POLQ: variants seen among roughly 807,000 people sequenced by gnomAD.
POLQ encodes DNA polymerase theta.
POLQ carries 233 observed loss-of-function variants against 259.2 expected under a neutral mutation model. That is an observed-to-expected ratio of 0.90 (90% CI 0.81 to 1.00). The LOEUF is 1.00. Ranked by LOEUF, POLQ falls within the 50% of genes least tolerant of loss-of-function variation. POLQ has a pLI of 0.00. For missense variants in POLQ, 2,871 were observed against 3,051.6 expected, an observed-to-expected ratio of 0.94 and a Z score of 1.39; for synonymous variants, 1,025 against 1,048.8, an observed-to-expected ratio of 0.98 and a Z score of 0.44.
At chr3:121,469,715 C>T (rs553909323) in intron 22 of POLQ, among the ~76,000 whole-genome samples, 1 of 151,834 alleles carries the variant, frequency 6.6e-6, no homozygotes, top group African/African-American at 2.4e-5. Flanking sequence ...GCAACACTGG[C>T]AGACCAAAAA....
chr3:121,507,851 TA>T (rs1290223548), intron 12 of POLQ, among the ~76,000 whole-genome samples: 1 of 152,140 alleles, frequency 6.6e-6, no homozygotes, highest in Admixed American at 6.6e-5. Context: ...ATCTCACTTA[TA>T]TTTTTTTGCT....
intron 25 of POLQ, among the ~76,000 whole-genome samples, chr3:121,458,421 A>T (rs1255181709): frequency 6.6e-6 from 1 of 151,970 alleles, no homozygotes; most frequent in Non-Finnish European, 1.5e-5. Flanking sequence ...AAATAAATAA[A>T]AGGAAGTCGG....
intron 24 of POLQ, among the ~76,000 whole-genome samples, chr3:121,463,893 T>G (rs2047813886): frequency 6.6e-6 from 1 of 152,156 alleles, no homozygotes; most frequent in African/African-American, 2.4e-5. Flanking sequence ...CAGTTAAAAT[T>G]ATTTTATGTA....
chr3:121,472,430 C>G (rs1375325782), intron 21 of POLQ, among the ~76,000 whole-genome samples: 2 of 152,182 alleles, frequency 1.3e-5, no homozygotes, highest in Middle Eastern at 6.3e-3. Context: ...AACAAAGTAA[C>G]TGCCTCCCCA....
rs183724890 is a variant in POLQ, at chr3:121,454,220, C to T, written c.7153-4794G>A. On this transcript the variant is annotated intron_variant, in intron 25 of 29. Transcript: ENST00000264233. ...CACCACCTGGCCAGCCCTAAAAGAGCTCCTGAAGGAAGCACTAAACATGGA... is the reference window on the plus strand; with the variant it reads ...CACCACCTGGCCAGCCCTAAAAGAGTTCCTGAAGGAAGCACTAAACATGGA... Among the ~76,000 whole-genome samples the T allele has an allele frequency of 9.8e-5, 15 of 152,310 alleles. No individual in the cohort carries two copies. In the East Asian group the frequency reaches 2.9e-3, roughly 29 times the overall value.
chr3:121,464,087 C>G (rs1267343839), intron 24 of POLQ, among the ~76,000 whole-genome samples: 2 of 152,098 alleles, frequency 1.3e-5, no homozygotes, highest in African/African-American at 4.8e-5. Context: ...ATTCAGTAAT[C>G]AAAGACAAAA....
rs555105739 is a variant in POLQ at position 121,514,182 on chromosome 3, GC to G, written c.1469-2154del. On this transcript the variant is annotated intron_variant, in intron 9 of 29. Transcript: ENST00000264233. Reference sequence around the variant, plus strand: ...CATCTCTACTAAAAATACAAAATTAGCCAGGCATGATGGCACATTCCTATAA... The same window carrying G: ...CATCTCTACTAAAAATACAAAATTAGCAGGCATGATGGCACATTCCTATAA... 3.6e-3 allele frequency among the ~76,000 whole-genome samples: 544 copies of G among 149,160 alleles called. 2 individuals carry two copies. Among genetic ancestry groups the G allele is most frequent in the African/African-American group, 0.013 (519 of 40,494 alleles).
rs1374811730 is a variant in POLQ at position 121,489,823 on chromosome 3, G to A, written c.3108C>T (p.Ser1036=). The change falls in exon 16 of 30, where the codon AGC becomes AGT. Residue 1036 remains serine (S), a synonymous_variant. Coordinates refer to ENST00000264233, the MANE Select transcript of POLQ (RefSeq NM_199420.4). ...APLNFNSEKM[S]RSFRSWKRRK... ...TACGTTTCCAAGATCGAAAACTTCT[G>A]CTCATCTTTTCTGAATTGAAATTCA... The A allele has an allele frequency of 2.5e-6, 4 of 1,612,254 alleles. No homozygotes were observed. In the Admixed American group the frequency reaches 6.7e-5, roughly 27 times the overall value.
intron 29 of POLQ, 105 bp from the exon 30 acceptor site, chr3:121,432,522 G>A (rs1394204840): frequency 9.9e-6 from 11 of 1,112,548 alleles, no homozygotes; most frequent in Non-Finnish European, 1.4e-5. Flanking sequence ...TCACCCAATG[G>A]TGCTTAAAAT....
intron 27 of POLQ, 38 bp from the exon 28 acceptor site, chr3:121,436,313 C>T (rs1274620120): frequency 6.2e-7 from 1 of 1,604,920 alleles, no homozygotes; most frequent in East Asian, 2.2e-5. Context: ...ACCAGATATG[C>T]CAACATGGTT....
At chr3:121,473,569 A>G in intron 20 of POLQ, 82 bp from the exon 21 acceptor site, 1 of 1,202,804 alleles carries the variant, frequency 8.3e-7, no homozygotes, top group African/African-American at 1.5e-5. Context: ...TTATTTCAGA[A>G]AACAATCTCT....
At chr3:121,500,559 T>G (rs1031343676) in intron 12 of POLQ, among the ~76,000 whole-genome samples, 20 of 151,910 alleles carry the variant, frequency 1.3e-4, no homozygotes, top group African/African-American at 4.1e-4. Flanking sequence ...GCAGAAAAAA[T>G]GAACAGAGTC....
At chr3:121,499,093 A>G (rs2048146722) in intron 12 of POLQ, among the ~76,000 whole-genome samples, 1 of 152,178 alleles carries the variant, frequency 6.6e-6, no homozygotes, top group South Asian at 2.1e-4. Context: ...AAAAAATTAC[A>G]ATAAAATAAA....
intron 7 of POLQ, among the ~76,000 whole-genome samples, chr3:121,524,085 C>A (rs1475464704): frequency 6.6e-6 from 1 of 152,142 alleles, no homozygotes; most frequent in Non-Finnish European, 1.5e-5. Flanking sequence ...GGCTCCAGTC[C>A]AAGCAGGAGC....
chr3:121,447,463 C>CA (rs1477743564), intron 26 of POLQ, among the ~76,000 whole-genome samples: 2 of 151,990 alleles, frequency 1.3e-5, no homozygotes, highest in Non-Finnish European at 2.9e-5. Context: ...GCGCCTGGCC[C>CA]ACTTTTTAAC....
chr3:121,495,753 G>A lies in POLQ; in HGVS notation c.2278+1055C>T, dbSNP rs140609433. Among the ~76,000 whole-genome samples the A allele has an allele frequency of 7.6e-4, 114 of 150,048 alleles. 2 individuals carry two copies. In the East Asian group the frequency reaches 0.022, roughly 29 times the overall value. On this transcript the variant is annotated intron_variant, in intron 14 of 29. Coordinates refer to ENST00000264233, the MANE Select transcript of POLQ (RefSeq NM_199420.4). Reference sequence around the variant, plus strand: ...AGTCCCAGCTACTCGGGAGGCTGAGGCAGCAGAATGGCATTAACCTGGGAG... The same window carrying A: ...AGTCCCAGCTACTCGGGAGGCTGAGACAGCAGAATGGCATTAACCTGGGAG...
intron 25 of POLQ, among the ~76,000 whole-genome samples, chr3:121,459,649 G>A (rs770831429): frequency 2.0e-5 from 3 of 152,126 alleles, no homozygotes; most frequent in Non-Finnish European, 4.4e-5. Context: ...CCAAAGTGCT[G>A]GGATTACAGG....
chr3:121,527,093 C>T (rs1487639326), intron 7 of POLQ, among the ~76,000 whole-genome samples: 1 of 151,994 alleles, frequency 6.6e-6, no homozygotes, highest in Non-Finnish European at 1.5e-5. Flanking sequence ...TGGAGTCTCG[C>T]TCCATCGCCC....
At chr3:121,537,368 T>C (rs2108820271) in intron 4 of POLQ, among the ~76,000 whole-genome samples, 160 bp from the exon 5 acceptor site, 1 of 152,340 alleles carries the variant, frequency 6.6e-6, no homozygotes, top group Non-Finnish European at 1.5e-5. Flanking sequence ...TATTGTGTAA[T>C]GCTGAGGTTT....
Sources: gnomAD v4.1 joint callset for allele counts (sites outside exome capture counted in the v4.1 genomes callset) on GRCh38, gnomAD v4.1.1 for gene constraint, MANE v1.5 for transcripts, NCBI Gene and HGNC (gene_info 2026-07-23, HGNC 2026-07-21) for gene names.